CSMD1: variants seen among roughly 807,000 people sequenced by gnomAD.
CSMD1 encodes the protein CUB and sushi domain-containing protein 1.
CSMD1 carries 213 observed loss-of-function variants against 417.5 expected under a neutral mutation model. That is an observed-to-expected ratio of 0.51 (90% CI 0.46 to 0.57). The LOEUF is 0.57. Ranked by LOEUF, CSMD1 falls within the 20% of genes least tolerant of loss-of-function variation. The probability of loss-of-function intolerance (pLI) is 0.00; values close to 1 mark genes in which losing one functional copy is unlikely to be tolerated. For synonymous variants in CSMD1, 2,862 were observed against 1,736.8 expected (o/e 1.65, Z -16.11); for missense variants, 6,923 against 4,529.7 (o/e 1.53, Z -15.17).
Position 4,343,080 on chromosome 8 carries a change from T to C in CSMD1, c.415+76873A>G, listed in dbSNP as rs545411178. ...TTAAGTTGCCTTCAACATCACATGG[T>C]ATCTCAGTGACCAAGGGATATGGGG... On this transcript the variant is annotated intron_variant, in intron 3 of 69. Transcript: ENST00000635120. 5.7e-4 allele frequency among the ~76,000 whole-genome samples: 86 copies of C among 152,206 alleles called. 1 individual carries two copies. The highest frequency in any genetic ancestry group is 1.8e-3 in the African/African-American group (76 of 41,556).
intron 49 of CSMD1, 94 bp from the exon 50 acceptor site, chr8:3,052,741 C>A (rs149664816): frequency 0.018 from 15,199 of 832,390 alleles, 192 homozygotes; most frequent in Middle Eastern, 0.023. Context: ...TTATTGACTC[C>A]ATTTTTCATT....
chr8:4,000,075 G>A lies in CSMD1; in HGVS notation c.611-1965C>T, dbSNP rs571345066. On this transcript the variant is annotated intron_variant, in intron 4 of 69. Coordinates refer to ENST00000635120, the MANE Select transcript of CSMD1 (RefSeq NM_033225.6). ...TTTGAAAACTGCAAAAGTACTTCCTGTGCCCACTACCAAATGTCTGTCCTG... is the reference window on the plus strand; with the variant it reads ...TTTGAAAACTGCAAAAGTACTTCCTATGCCCACTACCAAATGTCTGTCCTG... 8.5e-5 allele frequency among the ~76,000 whole-genome samples: 13 copies of A among 152,338 alleles called. No homozygotes were observed. The East Asian group carries it at 9.6e-4, about 11-fold the overall frequency.
At chr8:4,979,995 G>C (rs1407882034) in intron 1 of CSMD1, among the ~76,000 whole-genome samples, 2 of 152,070 alleles carry the variant, frequency 1.3e-5, no homozygotes, top group African/African-American at 4.8e-5. Context: ...CCAAGATAGT[G>C]CACTGCACTC....
At position 3,494,616 on chromosome 8, in the gene CSMD1, T is replaced by G. The variant is rs144326012; in HGVS notation, c.1345-890A>C. Among the ~76,000 whole-genome samples, 467 of 151,350 alleles carry G rather than the reference T, an allele frequency of 3.1e-3. 1 individual carries two copies. Among genetic ancestry groups the G allele is most frequent in the African/African-American group, 0.011 (445 of 41,230 alleles). On this transcript the variant is annotated intron_variant, in intron 10 of 69. Coordinates refer to ENST00000635120, the MANE Select transcript of CSMD1 (RefSeq NM_033225.6). Reference sequence around the variant, plus strand: ...GATAGATAGATAGATAGATGACAGATAGTAGATAGATGACAGACTGGATGG... The same window carrying G: ...GATAGATAGATAGATAGATGACAGAGAGTAGATAGATGACAGACTGGATGG...
intron 15 of CSMD1, among the ~76,000 whole-genome samples, chr8:3,400,144 G>T (rs1019994827): frequency 6.6e-6 from 1 of 152,142 alleles, no homozygotes; most frequent in Non-Finnish European, 1.5e-5. Context: ...AAGTTTGAAA[G>T]GGTATATAAT....
In CSMD1 at chr8:4,245,324, T is replaced by C. The variant is rs564825130; in HGVS notation, c.415+174629A>G. Among the ~76,000 whole-genome samples the C allele has an allele frequency of 3.9e-5, 6 of 152,276 alleles. No individual in the cohort carries two copies. The East Asian group carries it at 1.2e-3, about 29-fold the overall frequency. On this transcript the variant is annotated intron_variant, in intron 3 of 69. Transcript: ENST00000635120. ...CTGCATAAAAGTATGTACTTGGGCT[T>C]GTGAGGCTGCAGAGGGTTGGGGTGG...
At chr8:4,070,842 G>A (rs760115505) in intron 3 of CSMD1, among the ~76,000 whole-genome samples, 2 of 152,146 alleles carry the variant, frequency 1.3e-5, no homozygotes, top group African/African-American at 2.4e-5. Context: ...TTGTTTTCAC[G>A]TGATATAAAT....
chr8:4,130,793 C>A (rs555535032), intron 3 of CSMD1, among the ~76,000 whole-genome samples: 3 of 151,674 alleles, frequency 2.0e-5, no homozygotes, highest in Non-Finnish European at 4.4e-5. Flanking sequence ...TCTGTCAATG[C>A]TTACAAATTA....
intron 12 of CSMD1, among the ~76,000 whole-genome samples, chr8:3,419,360 A>G (rs1813346696): frequency 6.6e-6 from 1 of 152,238 alleles, no homozygotes; most frequent in South Asian, 2.1e-4. Context: ...AAAATGAAGG[A>G]TGAAGGTGCT....
chr8:4,681,253 A>T (rs1001587695), intron 1 of CSMD1, among the ~76,000 whole-genome samples: 1 of 152,156 alleles, frequency 6.6e-6, no homozygotes. Flanking sequence ...TATCGATATG[A>T]ATAAATCCAG....
intron 23 of CSMD1, among the ~76,000 whole-genome samples, chr8:3,326,812 T>C (rs1806559591): frequency 6.6e-6 from 1 of 152,222 alleles, no homozygotes; most frequent in Admixed American, 6.5e-5. Flanking sequence ...TTTCTTTTCT[T>C]ATAGCAGAAG....
intron 2 of CSMD1, among the ~76,000 whole-genome samples, chr8:4,480,461 T>C (rs1216484876): frequency 6.6e-6 from 1 of 152,160 alleles, no homozygotes; most frequent in Non-Finnish European, 1.5e-5. Context: ...TCTACTCTCA[T>C]AAAAAAGCAG....
chr8:4,354,488 G>C (rs1266708907), intron 3 of CSMD1, among the ~76,000 whole-genome samples: 1 of 152,158 alleles, frequency 6.6e-6, no homozygotes, highest in African/African-American at 2.4e-5. Context: ...TGGAATGTCA[G>C]AGAGAAAATC....
intron 5 of CSMD1, among the ~76,000 whole-genome samples, chr8:3,779,040 T>C (rs986708655): frequency 6.6e-6 from 1 of 152,144 alleles, no homozygotes; most frequent in East Asian, 1.9e-4. Flanking sequence ...ATGATCAACG[T>C]TTTCATAACA....
At chr8:4,380,982 G>T (rs981067596) in intron 3 of CSMD1, among the ~76,000 whole-genome samples, 1 of 152,052 alleles carries the variant, frequency 6.6e-6, no homozygotes, top group African/African-American at 2.4e-5. Context: ...TTTGGGAAAA[G>T]AAAAAGCGTA....
chr8:2,988,838 T>C (rs1806146838), intron 54 of CSMD1, among the ~76,000 whole-genome samples: 1 of 152,080 alleles, frequency 6.6e-6, no homozygotes, highest in Admixed American at 6.6e-5. Context: ...CTGTGAAGGG[T>C]TGAACCTGAG....
At chr8:4,060,934 A>G (rs770049991) in intron 3 of CSMD1, among the ~76,000 whole-genome samples, 1 of 152,218 alleles carries the variant, frequency 6.6e-6, no homozygotes, top group Non-Finnish European at 1.5e-5. Flanking sequence ...AGAAACCAAC[A>G]TAGAAGCTTC....
chr8:3,777,213 G>A (rs1282352820), intron 5 of CSMD1, among the ~76,000 whole-genome samples: 1 of 151,432 alleles, frequency 6.6e-6, no homozygotes, highest in African/African-American at 2.4e-5. Flanking sequence ...TTTAAAATCT[G>A]CCTTCTCCTA....
intron 3 of CSMD1, among the ~76,000 whole-genome samples, chr8:4,413,621 G>T (rs1166903893): frequency 6.6e-6 from 1 of 152,122 alleles, no homozygotes; most frequent in Non-Finnish European, 1.5e-5. Flanking sequence ...CGAATATTCA[G>T]TTGCACAAGA....
Sources: allele counts gnomAD v4.1 joint callset (sites outside exome capture counted in the v4.1 genomes callset), GRCh38; gene constraint gnomAD v4.1.1; transcripts MANE v1.5; gene names NCBI Gene and HGNC (gene_info 2026-07-23, HGNC 2026-07-21).